The following DACH2 variants were observed in gnomAD, a reference collection of about 807,000 sequenced individuals.
DACH2 encodes the protein dachshund homolog 2.
Under a neutral mutation model 35.8 loss-of-function variants are expected in DACH2, and 17 were observed. The observed-to-expected ratio is 0.48, with a 90% CI of 0.33 to 0.71. DACH2 has a LOEUF of 0.71. DACH2 is among the 30% of genes least tolerant of loss of function. The probability of loss-of-function intolerance (pLI) is 0.02; values close to 1 mark genes in which losing one functional copy is unlikely to be tolerated. For missense variants in DACH2, 469 were observed against 472.7 expected (o/e 0.99, Z 0.07); for synonymous variants, 195 against 177.3 (o/e 1.10, Z -0.79).
intron 1 of DACH2, among the ~76,000 whole-genome samples, chrX:86,358,492 G>C (rs2035681379): frequency 9.3e-6 from 1 of 107,403 alleles, no homozygotes; most frequent in African/African-American, 3.4e-5. Flanking sequence ...ATCCCAGAGA[G>C]AGCTGGGCAG....
chrX:86,435,146 G>T (rs1040659659), intron 2 of DACH2, among the ~76,000 whole-genome samples: 4 of 111,393 alleles, frequency 3.6e-5, no homozygotes, highest in African/African-American at 1.3e-4. Flanking sequence ...CAACGTCACA[G>T]AATTCGGTAA....
At chrX:86,288,730 G>A (rs1366418352) in intron 1 of DACH2, among the ~76,000 whole-genome samples, 1 of 111,253 alleles carries the variant, frequency 9.0e-6, no homozygotes, top group African/African-American at 3.3e-5. Flanking sequence ...ACCCAGGGCT[G>A]TTCACTCAGC....
intron 3 of DACH2, among the ~76,000 whole-genome samples, chrX:86,548,712 G>A (rs761766256): frequency 1.1e-3 from 128 of 112,104 alleles, no homozygotes; most frequent in African/African-American, 4.0e-3. Flanking sequence ...CTTAAGGTGT[G>A]CTTTAGAGTT....
chrX:86,254,413 G>T (rs769347812), intron 1 of DACH2, among the ~76,000 whole-genome samples: 39 of 110,249 alleles, frequency 3.5e-4, no homozygotes, highest in Middle Eastern at 4.8e-3. Flanking sequence ...TTCATGTGAT[G>T]CTCTCTTTCT....
At chrX:86,175,171 A>G (rs2031259907) in intron 1 of DACH2, among the ~76,000 whole-genome samples, 2 of 112,067 alleles carry the variant, frequency 1.8e-5, no homozygotes, top group South Asian at 7.4e-4. Context: ...AGGAGGAATC[A>G]GCAAAGAGCC....
At position 86,435,017 on chromosome X, in the gene DACH2, C is replaced by T. The variant is rs183143765; in HGVS notation, c.527+58155C>T. ...CATCATGAGGGATGTTCTTACAAGC[C>T]ATGAGGGATCTCACCAAGCCATGAG... is the stretch of plus-strand genomic sequence containing the variant. On this transcript the variant is annotated intron_variant, in intron 2 of 11. Transcript: ENST00000373125. 7.2e-4 allele frequency among the ~76,000 whole-genome samples: 80 copies of T among 111,227 alleles called. No individual in the cohort carries two copies. The East Asian group carries it at 0.023, about 32-fold the overall frequency.
intron 3 of DACH2, among the ~76,000 whole-genome samples, chrX:86,571,663 A>G (rs1569443544): frequency 9.0e-6 from 1 of 110,609 alleles, no homozygotes; most frequent in Non-Finnish European, 1.9e-5. Context: ...CCCCACTGTG[A>G]TGATTATTGT....
intron 7 of DACH2, among the ~76,000 whole-genome samples, chrX:86,778,247 T>A (rs2147304598): frequency 9.0e-6 from 1 of 111,672 alleles, no homozygotes; most frequent in Admixed American, 9.6e-5. Context: ...CTGATTTACA[T>A]TCCCATCAAC....
At chrX:86,423,727 T>A (rs2036844528) in intron 2 of DACH2, among the ~76,000 whole-genome samples, 1 of 110,651 alleles carries the variant, frequency 9.0e-6, no homozygotes, top group Non-Finnish European at 1.9e-5. Flanking sequence ...CTCAAGAAAG[T>A]TTTGCCCAAA....
intron 1 of DACH2, among the ~76,000 whole-genome samples, chrX:86,281,670 GAAAT>G (rs921976704): frequency 9.0e-6 from 1 of 111,629 alleles, no homozygotes; most frequent in Non-Finnish European, 1.9e-5. Flanking sequence ...GCAAGAGAAA[GAAAT>G]AAAGGGTATT....
chrX:86,735,617 G>A (rs1280732341), intron 6 of DACH2, among the ~76,000 whole-genome samples: 2 of 111,550 alleles, frequency 1.8e-5, no homozygotes, highest in East Asian at 2.8e-4. Flanking sequence ...ATTGAAGATT[G>A]TATTACTAAT....
chrX:86,388,767 A>C (rs2036158184), intron 2 of DACH2, among the ~76,000 whole-genome samples: 1 of 111,862 alleles, frequency 8.9e-6, no homozygotes, highest in African/African-American at 3.2e-5. Flanking sequence ...TATGTAATTC[A>C]TGAATGCTAG....
Position 86,223,920 on chromosome X carries a change from A to G in DACH2, c.488+74812A>G, listed in dbSNP as rs776263198. On this transcript the variant is annotated intron_variant, in intron 1 of 11. Transcript: ENST00000373125. ...TTTAGGTGCTGACCATCTCTTGAGAAGTAGAAACTTGGTGTATAGCTTGTA... is the reference window on the plus strand; with the variant it reads ...TTTAGGTGCTGACCATCTCTTGAGAGGTAGAAACTTGGTGTATAGCTTGTA... 1.8e-4 allele frequency among the ~76,000 whole-genome samples: 20 copies of G among 112,377 alleles called. 1 individual carries two copies. The South Asian group carries it at 6.6e-3, about 37-fold the overall frequency.
intron 3 of DACH2, among the ~76,000 whole-genome samples, chrX:86,626,648 G>A (rs914206936): frequency 3.5e-5 from 4 of 113,131 alleles, no homozygotes; most frequent in African/African-American, 1.3e-4. Flanking sequence ...AATCTAGGTG[G>A]AGGTTCCCAA....
At chrX:86,666,552 G>A (rs2040671954) in intron 4 of DACH2, among the ~76,000 whole-genome samples, 1 of 111,919 alleles carries the variant, frequency 8.9e-6, no homozygotes, top group South Asian at 3.7e-4. Context: ...TAAAAGACCT[G>A]GATTCTAGAA....
At chrX:86,303,520 C>G (rs1379961109) in intron 1 of DACH2, among the ~76,000 whole-genome samples, 2 of 110,339 alleles carry the variant, frequency 1.8e-5, no homozygotes, top group African/African-American at 6.6e-5. Context: ...AATGTTCAAT[C>G]AGAGGATGGA....
At chrX:86,772,063 G>T (rs1031966569) in intron 7 of DACH2, among the ~76,000 whole-genome samples, 6 of 111,434 alleles carry the variant, frequency 5.4e-5, no homozygotes, top group African/African-American at 2.0e-4. Context: ...CTGTGAATTT[G>T]GGCAAGCATC....
At chrX:86,539,597 T>G (rs1177441874) in intron 3 of DACH2, among the ~76,000 whole-genome samples, 2 of 111,592 alleles carry the variant, frequency 1.8e-5, no homozygotes, top group Non-Finnish European at 3.8e-5. Flanking sequence ...TTTGAGATCT[T>G]AAAAATTTGG....
intron 3 of DACH2, among the ~76,000 whole-genome samples, chrX:86,645,283 C>A (rs6617252): frequency 0.13 from 13,972 of 109,910 alleles, 758 homozygotes; most frequent in East Asian, 0.33. Flanking sequence ...AAAAGAAGAC[C>A]TACATGCAGC....
Sources: gnomAD v4.1 joint callset for allele counts (sites outside exome capture counted in the v4.1 genomes callset) on GRCh38, gnomAD v4.1.1 for gene constraint, MANE v1.5 for transcripts, NCBI Gene and HGNC (gene_info 2026-07-23, HGNC 2026-07-21) for gene names.